PIK3C2B: variants seen among roughly 807,000 people sequenced by gnomAD.
The protein encoded by PIK3C2B is phosphatidylinositol-4-phosphate 3-kinase catalytic subunit type 2 beta, also known as phosphatidylinositol 4-phosphate 3-kinase C2 domain-containing subunit beta.
In PIK3C2B, 83 loss-of-function variants were observed where a neutral mutation model predicts 184.3. The ratio of observed to expected loss-of-function variants is 0.45; its 90% CI spans 0.38 to 0.54. The LOEUF (loss-of-function observed/expected upper bound fraction) is 0.54. Among genes scored for constraint, PIK3C2B ranks in the 20% least tolerant of loss-of-function variants. PIK3C2B has a pLI of 0.00. For missense variants in PIK3C2B, 1,736 were observed against 2,113.5 expected (o/e 0.82, Z 3.50); for synonymous variants, 779 against 837.6 (o/e 0.93, Z 1.21).
Position 204,460,651 on chromosome 1 carries a change from A to ACTCAT in PIK3C2B, c.1320_1321insATGAG (p.Leu441MetfsTer23). 6.2e-7 allele frequency: 1 copy of ACTCAT among 1,610,534 alleles called. No individual in the cohort carries two copies. Among genetic ancestry groups the ACTCAT allele is most frequent in the African/African-American group, 1.3e-5 (1 of 74,972 alleles). ...TATTGGATGTACTCATGACTGCCCA[A>ACTCAT]GGCATGCTTGCTGGTAGGGTAGAGG... On this transcript the variant is annotated frameshift_variant, in exon 6 of 33. Coordinates refer to ENST00000684373, the MANE Select transcript of PIK3C2B (RefSeq NM_001377334.1). LOFTEE classifies it high-confidence loss of function.
intron 31 of PIK3C2B, among the ~76,000 whole-genome samples, chr1:204,426,247 C>G (rs914755210): frequency 6.6e-6 from 1 of 152,218 alleles, no homozygotes; most frequent in Non-Finnish European, 1.5e-5. Context: ...GAAAAAGCCA[C>G]GGTTCTTACT....
chr1:204,454,555 C>A (rs2103495776), intron 12 of PIK3C2B, 114 bp downstream of exon 12: 2 of 994,636 alleles, frequency 2.0e-6, no homozygotes, highest in South Asian at 1.7e-5. Flanking sequence ...TTAGGGTTAA[C>A]AAGGAGCCTG....
intron 29 of PIK3C2B, 76 bp from the exon 30 acceptor site, chr1:204,428,296 G>T: frequency 1.2e-6 from 1 of 855,428 alleles, no homozygotes; most frequent in Non-Finnish European, 1.9e-6. Flanking sequence ...GACTGTTCCA[G>T]ATGTAAAAAG....
chr1:204,466,172 G>A (rs1655766908), intron 2 of PIK3C2B, among the ~76,000 whole-genome samples: 1 of 152,218 alleles, frequency 6.6e-6, no homozygotes, highest in African/African-American at 2.4e-5. Flanking sequence ...GGGAGAGCTG[G>A]TGCATGACAG....
Position 204,464,601 on chromosome 1 carries a change from A to C in PIK3C2B, c.1038T>G (p.Leu346=). 2 of 1,613,846 alleles carry C rather than the reference A, an allele frequency of 1.2e-6. No individual in the cohort carries two copies. Among genetic ancestry groups the C allele is most frequent in the Non-Finnish European group, 1.7e-6 (2 of 1,179,860 alleles). The change falls in exon 4 of 33, where the codon CTT becomes CTG. Residue 346 remains leucine (L), a synonymous_variant. Transcript: ENST00000684373. ...VAAFCHMLDI[L]RSGSDIQDYF... ...AGTCTTGGATGTCAGAGCCAGATCG[A>C]AGGCTGTACAGGAAGAAAAAAAACC...
chr1:204,440,776 T>C (rs1024068571), intron 21 of PIK3C2B, among the ~76,000 whole-genome samples: 56 of 149,112 alleles, frequency 3.8e-4, no homozygotes, highest in South Asian at 6.3e-4. Flanking sequence ...TATATATATA[T>C]ATATATATAT....
At position 204,466,518 on chromosome 1, in the gene PIK3C2B, G is replaced by A. The variant is rs1209140404; in HGVS notation, c.934-1199C>T. On this transcript the variant is annotated intron_variant, in intron 2 of 32. Coordinates refer to ENST00000684373, the MANE Select transcript of PIK3C2B (RefSeq NM_001377334.1). ...GGTGCACAGAGGGGAGGGCAGCAGT[G>A]GGGACAGTTGGCATGTGAGGCCCTG... 2.0e-5 allele frequency among the ~76,000 whole-genome samples: 3 copies of A among 152,286 alleles called. No homozygotes were observed. In the East Asian group the frequency reaches 5.8e-4, roughly 29 times the overall value.
chr1:204,430,806 A>G (rs1012542636), intron 28 of PIK3C2B, among the ~76,000 whole-genome samples: 41 of 151,506 alleles, frequency 2.7e-4, no homozygotes, highest in Admixed American at 2.6e-3. Context: ...TTATAAAAGC[A>G]TGCCACCACA....
intron 1 of PIK3C2B, among the ~76,000 whole-genome samples, chr1:204,480,716 C>T (rs1287553986): frequency 6.6e-6 from 1 of 151,866 alleles, no homozygotes; most frequent in Non-Finnish European, 1.5e-5. Flanking sequence ...TGACAGCCAC[C>T]TGCTCAGCTC....
Position 204,472,166 on chromosome 1 carries a change from C to CTT in PIK3C2B, c.-84-2282_-84-2281dup, listed in dbSNP as rs71145091. On this transcript the variant is annotated intron_variant, in intron 1 of 32. Coordinates refer to ENST00000684373, the MANE Select transcript of PIK3C2B (RefSeq NM_001377334.1). The stretch of plus-strand genomic sequence containing the variant: ...TGCAACATTAGCAACACTGGGGGAA[C>CTT]TTTTTTTTTTTTTTTGAGACGGAGT... Among the ~76,000 whole-genome samples, 818 of 143,726 alleles carry CTT rather than the reference C, an allele frequency of 5.7e-3. 4 individuals are homozygous for CTT. Among genetic ancestry groups the CTT allele is most frequent in the Middle Eastern group, 0.018 (5 of 278 alleles). 94.3% of individuals were successfully genotyped at this position (143,726 alleles called of 152,430 possible).
intron 1 of PIK3C2B, among the ~76,000 whole-genome samples, chr1:204,491,452 G>T (rs1273421447): frequency 6.6e-6 from 1 of 151,952 alleles, no homozygotes; most frequent in East Asian, 1.9e-4. Flanking sequence ...TAACCCTTTG[G>T]GAGGCCAAGG....
chr1:204,423,446 C>CAAAA lies in PIK3C2B; in HGVS notation c.*1405_*1406insTTTT, dbSNP rs1429603958. ...CTGGCGACAGGGCGAGACTCCGTCT[C>CAAAA]CAAAAAAAAAAAAAAAAATCCATCT... On this transcript the variant is annotated 3_prime_UTR_variant, in exon 33 of 33. Transcript: ENST00000684373. The CAAAA allele has an allele frequency of 9.2e-6, 1 of 108,254 alleles. No homozygotes were observed. The highest frequency in any genetic ancestry group is 4.1e-5 in the African/African-American group (1 of 24,132). The allele number at this position is 108,254 out of a possible 1,614,324, so 6.7% of individuals were successfully genotyped here.
intron 1 of PIK3C2B, among the ~76,000 whole-genome samples, chr1:204,481,406 C>T (rs554810775): frequency 8.6e-5 from 13 of 151,872 alleles, no homozygotes; most frequent in South Asian, 2.1e-4. Context: ...CACAGGCACC[C>T]GCCACCATGC....
chr1:204,479,139 T>C (rs1319134704), intron 1 of PIK3C2B, among the ~76,000 whole-genome samples: 4 of 152,182 alleles, frequency 2.6e-5, no homozygotes, highest in Admixed American at 2.0e-4. Context: ...ATCAACTGAA[T>C]GGAACATTTG....
At position 204,456,029 on chromosome 1, in the gene PIK3C2B, G is replaced by C. The variant is rs758516217; in HGVS notation, c.1770C>G (p.Thr590=). 1 of 1,613,734 alleles carries C rather than the reference G, an allele frequency of 6.2e-7. No individual in the cohort carries two copies. Among genetic ancestry groups the C allele is most frequent in the Non-Finnish European group, 8.5e-7 (1 of 1,179,704 alleles). The part of the protein sequence containing the change: ...ENREKVVEAL[T]AAILDLVELY... Reference sequence around the variant, plus strand: ...GCTCCACCAGGTCCAAGATGGCAGCGGTCAGGGCTTCCACGACCTTCTCTG... The same window carrying C: ...GCTCCACCAGGTCCAAGATGGCAGCCGTCAGGGCTTCCACGACCTTCTCTG... The change falls in exon 11 of 33, where the codon ACC becomes ACG. Residue 590 remains threonine, a synonymous_variant. Transcript: ENST00000684373.
chr1:204,492,731 T>A (rs1658088238), intron 1 of PIK3C2B, among the ~76,000 whole-genome samples: 1 of 152,110 alleles, frequency 6.6e-6, no homozygotes, highest in Non-Finnish European at 1.5e-5. Flanking sequence ...GCACACCCCC[T>A]TGGCCCTTTC....
intron 1 of PIK3C2B, among the ~76,000 whole-genome samples, chr1:204,483,096 T>C (rs1034176700): frequency 3.9e-5 from 6 of 152,146 alleles, no homozygotes; most frequent in African/African-American, 1.4e-4. Context: ...TTCCTCCTGC[T>C]TTCTCTCTCT....
intron 12 of PIK3C2B, among the ~76,000 whole-genome samples, chr1:204,452,573 A>G (rs929082048): frequency 2.6e-5 from 4 of 151,132 alleles, no homozygotes; most frequent in Non-Finnish European, 4.4e-5. Flanking sequence ...CATTTAATGC[A>G]GCTATCCTCT....
At chr1:204,481,027 C>G (rs1391575939) in intron 1 of PIK3C2B, among the ~76,000 whole-genome samples, 1 of 152,024 alleles carries the variant, frequency 6.6e-6, no homozygotes, top group African/African-American at 2.4e-5. Context: ...CCATAGGGAT[C>G]ACACAAACCA....
Sources: allele counts gnomAD v4.1 joint callset (sites outside exome capture counted in the v4.1 genomes callset), GRCh38; gene constraint gnomAD v4.1.1; transcripts MANE v1.5; gene names NCBI Gene and HGNC (gene_info 2026-07-23, HGNC 2026-07-21).